The following SSBP2 variants were observed in gnomAD, a reference collection of about 807,000 sequenced individuals.
SSBP2 encodes single stranded DNA binding protein 2.
A neutral mutation model predicts 61.8 loss-of-function variants in SSBP2; 17 were observed. The ratio of observed to expected loss-of-function variants is 0.28; its 90% confidence interval spans 0.19 to 0.41. The LOEUF (loss-of-function observed/expected upper bound fraction) is 0.41, where lower values mean the gene tolerates loss of function less well. SSBP2 is among the 10% of genes least tolerant of loss of function. The pLI, the probability that SSBP2 is intolerant of heterozygous loss-of-function variation, is 1.00. For synonymous variants in SSBP2, 139 were observed against 141.3 expected (o/e 0.98, Z 0.12); for missense variants, 310 against 458.7 (o/e 0.68, Z 2.96).
chr5:81,721,970 A>G (rs16899099), intron 1 of SSBP2, among the ~76,000 whole-genome samples: 102,040 of 151,728 alleles, frequency 0.67, 34,643 homozygotes, highest in Middle Eastern at 0.75. Flanking sequence ...GATCTTTACT[A>G]AAAGTTATGG....
chr5:81,681,625 A>G (rs1447527967), intron 1 of SSBP2, among the ~76,000 whole-genome samples: 1 of 152,026 alleles, frequency 6.6e-6, no homozygotes, highest in African/African-American at 2.4e-5. Flanking sequence ...ATTAGAAAAT[A>G]AGAAACTTTT....
chr5:81,482,975 G>T (rs1173660129), intron 6 of SSBP2, among the ~76,000 whole-genome samples: 2 of 152,118 alleles, frequency 1.3e-5, no homozygotes, highest in East Asian at 3.9e-4. Flanking sequence ...AGGGTTATCA[G>T]TTGGCCCAAT....
intron 4 of SSBP2, among the ~76,000 whole-genome samples, chr5:81,589,568 TATAAG>T (rs1325965722): frequency 7.1e-4 from 108 of 152,364 alleles, no homozygotes; most frequent in African/African-American, 8.4e-4. Context: ...TCAGCAACTC[TATAAG>T]ATGAGTGAAG....
intron 7 of SSBP2, among the ~76,000 whole-genome samples, chr5:81,474,142 T>C (rs1316530673): frequency 6.6e-6 from 1 of 152,214 alleles, no homozygotes; most frequent in African/African-American, 2.4e-5. Context: ...TCTTTCCCTC[T>C]GCTCATCTTT....
At chr5:81,570,662 C>T (rs149445646) in intron 4 of SSBP2, among the ~76,000 whole-genome samples, 196 of 151,898 alleles carry the variant, frequency 1.3e-3, no homozygotes, top group African/African-American at 4.6e-3. Flanking sequence ...CATATTCCTG[C>T]AGGGTCACCC....
At chr5:81,420,615 G>T in intron 16 of SSBP2, 82 bp from the exon 17 acceptor site, 1 of 1,135,528 alleles carries the variant, frequency 8.8e-7, no homozygotes, top group Non-Finnish European at 1.3e-6. Context: ...CAGAAACGAT[G>T]AATTCTAATT....
At chr5:81,732,857 C>T (rs1181629556) in intron 1 of SSBP2, among the ~76,000 whole-genome samples, 6 of 152,200 alleles carry the variant, frequency 3.9e-5, no homozygotes, top group African/African-American at 1.4e-4. Context: ...AGCCCCTCAC[C>T]CGCTGCTCAG....
At chr5:81,638,497 T>C (rs1416377663) in intron 2 of SSBP2, among the ~76,000 whole-genome samples, 1 of 150,444 alleles carries the variant, frequency 6.6e-6, no homozygotes, top group East Asian at 2.0e-4. Flanking sequence ...CACTCCAGCC[T>C]GACAGAGCAA....
chr5:81,466,479 A>T (rs148822283), intron 9 of SSBP2, among the ~76,000 whole-genome samples: 1 of 152,032 alleles, frequency 6.6e-6, no homozygotes, highest in Admixed American at 6.6e-5. Flanking sequence ...TCCTGTGTTG[A>T]CAGTAGTCCC....
chr5:81,512,088 A>AAT (rs1020812715), intron 5 of SSBP2, among the ~76,000 whole-genome samples: 2 of 152,198 alleles, frequency 1.3e-5, no homozygotes, highest in African/African-American at 4.8e-5. Context: ...GTAACTCTCA[A>AAT]ATATATATTT....
intron 2 of SSBP2, among the ~76,000 whole-genome samples, chr5:81,642,174 G>C (rs915354411): frequency 2.0e-5 from 3 of 152,180 alleles, no homozygotes; most frequent in Non-Finnish European, 1.5e-5. Context: ...TGCTGTTTCT[G>C]AAGAGGTATT....
At chr5:81,528,852 C>T (rs1770165657) in intron 4 of SSBP2, among the ~76,000 whole-genome samples, 1 of 151,916 alleles carries the variant, frequency 6.6e-6, no homozygotes, top group African/African-American at 2.4e-5. Flanking sequence ...AATATAACTT[C>T]AAAATTCATC....
intron 4 of SSBP2, among the ~76,000 whole-genome samples, chr5:81,540,629 C>G (rs950299451): frequency 4.6e-5 from 7 of 151,974 alleles, no homozygotes; most frequent in Non-Finnish European, 8.8e-5. Context: ...TTTGTAGATT[C>G]TGGAACTAAG....
intron 1 of SSBP2, among the ~76,000 whole-genome samples, chr5:81,747,032 G>T (rs963385236): frequency 3.0e-5 from 4 of 134,606 alleles, no homozygotes; most frequent in Admixed American, 7.5e-5. Flanking sequence ...TGGGGGGGGG[G>T]GGAATCTGAA....
chr5:81,461,789 A>G (rs886881496), intron 9 of SSBP2, among the ~76,000 whole-genome samples: 8 of 152,180 alleles, frequency 5.3e-5, no homozygotes, highest in Non-Finnish European at 1.0e-4. Context: ...TTTAGAGTAA[A>G]GGAGAATGTT....
chr5:81,543,340 A>ATG (rs747378848), intron 4 of SSBP2, among the ~76,000 whole-genome samples: 79 of 152,206 alleles, frequency 5.2e-4, no homozygotes, highest in Admixed American at 2.1e-3. Context: ...ACTAATACAC[A>ATG]TGTCCTTTGC....
chr5:81,640,192 T>C (rs1748647463), intron 2 of SSBP2, among the ~76,000 whole-genome samples: 1 of 151,812 alleles, frequency 6.6e-6, no homozygotes, highest in Non-Finnish European at 1.5e-5. Context: ...ATACAAAAAT[T>C]AGCCAGGCAT....
chr5:81,488,018 T>TTA (rs1766520220), intron 6 of SSBP2, among the ~76,000 whole-genome samples: 2 of 16,994 alleles, frequency 1.2e-4, no homozygotes, highest in South Asian at 2.1e-3. Flanking sequence ...ATAATATATA[T>TTA]ATATATATAT....
intron 14 of SSBP2, 93 bp downstream of exon 14, chr5:81,440,465 G>A: frequency 1.0e-6 from 1 of 994,800 alleles, no homozygotes; most frequent in Non-Finnish European, 1.5e-6. Flanking sequence ...TGAGTAGCTG[G>A]CTATGGAAGA....
Sources: gnomAD v4.1 joint callset for allele counts (sites outside exome capture counted in the v4.1 genomes callset) on GRCh38, gnomAD v4.1.1 for gene constraint, MANE v1.5 for transcripts, NCBI Gene and HGNC (gene_info 2026-07-23, HGNC 2026-07-21) for gene names.